The following PDE1A variants were observed in gnomAD, a reference collection of about 807,000 sequenced individuals.
The protein encoded by PDE1A is phosphodiesterase 1A.
Under a neutral mutation model 61.7 loss-of-function variants are expected in PDE1A, and 35 were observed. That is an observed-to-expected ratio of 0.57 (90% CI 0.43 to 0.75). The LOEUF is 0.75. PDE1A is among the 30% of genes least tolerant of loss of function. The probability of loss-of-function intolerance (pLI) is 0.00; values close to 1 mark genes in which losing one functional copy is unlikely to be tolerated. For missense variants in PDE1A, 597 were observed against 630.6 expected (o/e 0.95, Z 0.57); for synonymous variants, 232 against 213.2 (o/e 1.09, Z -0.77).
the PDE1A span, among the ~76,000 whole-genome samples, chr2:182,715,508 A>G: frequency 6.6e-6 from 1 of 152,190 alleles, no homozygotes; most frequent in Non-Finnish European, 1.5e-5. Flanking sequence ...GTTAGGGTTG[A>G]TGTTATAAGC....
intron 1 of PDE1A, among the ~76,000 whole-genome samples, chr2:182,421,910 T>C (rs1386239864): frequency 6.6e-6 from 1 of 152,342 alleles, no homozygotes; most frequent in Non-Finnish European, 1.5e-5. Flanking sequence ...TTTTCTAGGC[T>C]TTCCTATTTC....
At chr2:182,336,343 C>T (rs1464548846) in intron 1 of PDE1A, among the ~76,000 whole-genome samples, 1 of 152,040 alleles carries the variant, frequency 6.6e-6, no homozygotes, top group African/African-American at 2.4e-5. Context: ...GCCCTATTCA[C>T]AATAGCAAAG....
chr2:182,440,271 T>C (rs146003646), intron 2 of PDE1A, among the ~76,000 whole-genome samples: 2 of 152,212 alleles, frequency 1.3e-5, no homozygotes, highest in East Asian at 3.9e-4. Context: ...ATTCTGTGTT[T>C]CATTGGCTCA....
At chr2:182,641,853 T>G in the PDE1A span, among the ~76,000 whole-genome samples, 1 of 152,358 alleles carries the variant, frequency 6.6e-6, no homozygotes, top group South Asian at 2.1e-4. Context: ...AATACATGTC[T>G]TCACAGTTGA....
intron 10 of PDE1A, among the ~76,000 whole-genome samples, chr2:182,193,216 G>C (rs548549039): frequency 3.9e-5 from 6 of 152,052 alleles, no homozygotes; most frequent in Non-Finnish European, 8.8e-5. Flanking sequence ...TCGAACTCCT[G>C]ACCTTGTGAT....
At chr2:182,249,729 CA>C (rs1691254755) in intron 2 of PDE1A, among the ~76,000 whole-genome samples, 1 of 63,236 alleles carries the variant, frequency 1.6e-5, no homozygotes. Context: ...CCTTACCCCC[CA>C]ACCCCCCCCC....
At chr2:182,591,443 C>T in the PDE1A span, among the ~76,000 whole-genome samples, 1 of 152,168 alleles carries the variant, frequency 6.6e-6, no homozygotes, top group African/African-American at 2.4e-5. Flanking sequence ...AATTTCTAGT[C>T]AGAACCGGGT....
intron 2 of PDE1A, among the ~76,000 whole-genome samples, chr2:182,475,726 C>A (rs1420994988): frequency 6.6e-6 from 1 of 151,940 alleles, no homozygotes; most frequent in African/African-American, 2.4e-5. Flanking sequence ...AGTTAATATA[C>A]AACTTCATTT....
chr2:182,436,425 T>C (rs1044976637), intron 2 of PDE1A, among the ~76,000 whole-genome samples: 2 of 152,026 alleles, frequency 1.3e-5, no homozygotes, highest in African/African-American at 4.8e-5. Context: ...TGGTCAGTAG[T>C]GCTTTCCCAA....
the PDE1A span, among the ~76,000 whole-genome samples, chr2:182,560,057 A>G: frequency 7.1e-6 from 1 of 141,220 alleles, no homozygotes; most frequent in African/African-American, 2.5e-5. Context: ...AGGAAGAGAT[A>G]GGGATTCTTT....
chr2:182,159,590 C>T (rs1328158310), intron 13 of PDE1A, among the ~76,000 whole-genome samples: 1 of 152,198 alleles, frequency 6.6e-6, no homozygotes, highest in East Asian at 1.9e-4. Context: ...GCAAGTAATA[C>T]TTTTCCATAG....
chr2:182,169,922 G>GCACACA lies in PDE1A; in HGVS notation c.1517-1638_1517-1633dup, dbSNP rs1052290375. Among the ~76,000 whole-genome samples, 570 of 87,730 alleles carry GCACACA rather than the reference G, an allele frequency of 6.5e-3. 2 individuals carry two copies. Among genetic ancestry groups the GCACACA allele is most frequent in the East Asian group, 0.037 (127 of 3,452 alleles). The allele number at this position is 87,730 out of a possible 152,430, so 57.6% of individuals were successfully genotyped here. A position where few individuals can be genotyped will look rare whatever the true frequency, so the allele number is the denominator to read the frequency against. ...CACACACACACACACACACACACAC[G>GCACACA]CACACACACACACACACTCTCCCTC... On this transcript the variant is annotated intron_variant, in intron 13 of 13. Coordinates refer to ENST00000351439, the Ensembl canonical transcript of PDE1A.
At chr2:182,331,728 G>C (rs1697423135) in intron 1 of PDE1A, among the ~76,000 whole-genome samples, 1 of 152,216 alleles carries the variant, frequency 6.6e-6, no homozygotes, top group Admixed American at 6.5e-5. Context: ...CTATTAGTCT[G>C]ATGGGCTTCC....
At chr2:182,321,513 A>T (rs1696687934) in intron 1 of PDE1A, among the ~76,000 whole-genome samples, 1 of 152,152 alleles carries the variant, frequency 6.6e-6, no homozygotes, top group African/African-American at 2.4e-5. Flanking sequence ...ATTAATGAAA[A>T]GAACAAAATA....
At chr2:182,683,701 GA>G in the PDE1A span, among the ~76,000 whole-genome samples, 2 of 152,010 alleles carry the variant, frequency 1.3e-5, no homozygotes, top group Admixed American at 6.6e-5. Flanking sequence ...TAACAAGTAG[GA>G]AAAAAAGCTT....
downstream of PDE1A, among the ~76,000 whole-genome samples, chr2:182,146,105 T>C (rs564593454): frequency 7.9e-5 from 12 of 152,292 alleles, no homozygotes; most frequent in East Asian, 2.1e-3. Context: ...TAAATACACA[T>C]CCCTCCTTTC....
chr2:182,214,207 CA>C (rs1372897647), intron 7 of PDE1A, among the ~76,000 whole-genome samples: 1 of 151,418 alleles, frequency 6.6e-6, no homozygotes, highest in African/African-American at 2.4e-5. Context: ...TACAGACAAG[CA>C]AATGCTGAGA....
chr2:182,579,649 G>A, the PDE1A span, among the ~76,000 whole-genome samples: 1 of 152,006 alleles, frequency 6.6e-6, no homozygotes, highest in South Asian at 2.1e-4. Flanking sequence ...AGTCTGAAAG[G>A]AGAACAAGTT....
intron 1 of PDE1A, among the ~76,000 whole-genome samples, chr2:182,363,930 A>G (rs755652279): frequency 8.6e-5 from 13 of 152,002 alleles, no homozygotes; most frequent in Non-Finnish European, 1.8e-4. Flanking sequence ...AAGCCATGGT[A>G]CAGATCATGC....
Sources: gnomAD v4.1 joint callset for allele counts (sites outside exome capture counted in the v4.1 genomes callset) on GRCh38, gnomAD v4.1.1 for gene constraint, MANE v1.5 for transcripts, NCBI Gene and HGNC (gene_info 2026-07-23, HGNC 2026-07-21) for gene names.